HOXC4: variants seen among roughly 807,000 people sequenced by gnomAD.
HOXC4 encodes the protein homeobox protein Hox-C4.
A neutral mutation model predicts 25.5 loss-of-function variants in HOXC4; 15 were observed. The observed-to-expected ratio is 0.59, with a 90% CI of 0.39 to 0.91. The LOEUF (loss-of-function observed/expected upper bound fraction) is 0.91, where lower values mean the gene tolerates loss of function less well. Among genes scored for constraint, HOXC4 ranks in the 40% least tolerant of loss-of-function variants. The probability of loss-of-function intolerance (pLI) is 0.00; values close to 1 mark genes in which losing one functional copy is unlikely to be tolerated. For missense variants in HOXC4, 342 were observed against 352.4 expected, an observed-to-expected ratio of 0.97 and a Z score of 0.24; for synonymous variants, 165 against 148.0, an observed-to-expected ratio of 1.11 and a Z score of -0.83.
upstream of HOXC4, among the ~76,000 whole-genome samples, chr12:54,052,578 G>GT (rs1329257690): frequency 2.0e-5 from 3 of 150,786 alleles, no homozygotes; most frequent in African/African-American, 4.9e-5. Flanking sequence ...CTGGGGGGGG[G>GT]GGGTGGTGGT....
intron 1 of HOXC4, chr12:54,047,711 G>T (rs1282528676): frequency 6.6e-6 from 1 of 152,326 alleles, no homozygotes; most frequent in African/African-American, 2.4e-5. Context: ...GGACCAGAGC[G>T]CGCGGAGGGG....
chr12:54,028,273 TA>T (rs1940818131), intron 1 of HOXC4: 1 of 249,976 alleles, frequency 4.0e-6, no homozygotes, highest in Non-Finnish European at 7.7e-6. Flanking sequence ...ATATATTTTT[TA>T]AAAGAAATCC....
chr12:54,031,073 T>C (rs1940967271), intron 1 of HOXC4, among the ~76,000 whole-genome samples: 1 of 152,272 alleles, frequency 6.6e-6, no homozygotes, highest in African/African-American at 2.4e-5. Flanking sequence ...CGTAGGATTT[T>C]GTTGCGGGGG....
intron 1 of HOXC4, among the ~76,000 whole-genome samples, chr12:54,036,851 C>A (rs559102874): frequency 1.3e-5 from 2 of 152,344 alleles, no homozygotes; most frequent in East Asian, 1.9e-4. Flanking sequence ...CCCACCTGTT[C>A]CAGCCTCCCA....
intron 1 of HOXC4, chr12:54,032,897 A>G: frequency 2.6e-6 from 1 of 388,620 alleles, no homozygotes; most frequent in South Asian, 5.3e-5. Context: ...GCCGGCTTCC[A>G]TCACTAACCT....
chr12:54,028,013 TGGGA>T lies in HOXC4; in HGVS notation c.-124+10605_-124+10608del, dbSNP rs540872639. 4.6e-5 allele frequency among the ~76,000 whole-genome samples: 7 copies of T among 152,304 alleles called. No individual in the cohort carries two copies. In the South Asian group the frequency reaches 1.4e-3, roughly 32 times the overall value. On this transcript the variant is annotated intron_variant, in intron 1 of 3. Transcript: ENST00000303406. ...ATTTCTAGGGACCCCCCTCCTGTGC[TGGGA>T]GGGAGTTCTTCCCTTGGAGAAATCA...
chr12:54,032,235 C>T (rs1941011999), intron 1 of HOXC4, among the ~76,000 whole-genome samples: 1 of 152,168 alleles, frequency 6.6e-6, no homozygotes, highest in Non-Finnish European at 1.5e-5. Flanking sequence ...CCACCTGGCT[C>T]CTCACCTCCA....
chr12:54,025,953 C>T (rs1043750315), intron 1 of HOXC4, among the ~76,000 whole-genome samples: 1 of 151,956 alleles, frequency 6.6e-6, no homozygotes, highest in Non-Finnish European at 1.5e-5. Context: ...CCCACCCAGA[C>T]ATAAAAGAGA....
chr12:54,029,520 A>T, intron 1 of HOXC4: 1 of 847,804 alleles, frequency 1.2e-6, no homozygotes, highest in Non-Finnish European at 1.8e-6. Context: ...GCAAGGCAAA[A>T]GGGAGAAGGC....
intron 1 of HOXC4, chr12:54,037,712 A>T (rs2136453885): frequency 6.6e-6 from 1 of 152,382 alleles, no homozygotes; most frequent in Non-Finnish European, 1.5e-5. Context: ...AGAAATAGGC[A>T]TGCTTCTATG....
intron 1 of HOXC4, chr12:54,034,673 C>T: frequency 1.7e-6 from 1 of 595,502 alleles, no homozygotes; most frequent in Non-Finnish European, 3.0e-6. Context: ...CCAGGGTTCC[C>T]GCGGGGCTGT....
Position 54,054,765 on chromosome 12 carries a change from T to C in HOXC4, c.440-85T>C, listed in dbSNP as rs545185266. ...ATTTCCACCACTCCCTCCTCCTGTT[T>C]CTCAGAGCTGAGGATGGGGTGAGGG... On this transcript the variant is annotated intron_variant, in intron 1 of 1. Coordinates refer to ENST00000430889, the MANE Select transcript of HOXC4 (RefSeq NM_153633.3). 4 of 868,880 alleles carry C rather than the reference T, an allele frequency of 4.6e-6. No individual in the cohort carries two copies. In the Admixed American group the frequency reaches 1.0e-4, roughly 22 times the overall value. 53.8% of individuals were successfully genotyped at this position (868,880 alleles called of 1,614,324 possible). A position where few individuals can be genotyped will look rare whatever the true frequency, so the allele number is the denominator to read the frequency against.
Position 54,018,257 on chromosome 12 carries a change from C to A in HOXC4, c.-124+843C>A, listed in dbSNP as rs529055785. Among the ~76,000 whole-genome samples the A allele has an allele frequency of 5.2e-3, 788 of 152,368 alleles. 6 individuals carry two copies. Among genetic ancestry groups the A allele is most frequent in the African/African-American group, 0.018 (738 of 41,588 alleles). ...TCCGGGGTCCGGCGCCCCTCACCCC[C>A]AGCCGCGGCCATCCCAGCCGGGATG... On this transcript the variant is annotated intron_variant, in intron 1 of 3. Coordinates refer to the HOXC4 transcript ENST00000303406.
At position 54,030,018 on chromosome 12, in the gene HOXC4, T is replaced by A. The variant is rs939957363; in HGVS notation, c.-124+12604T>A. On this transcript the variant is annotated intron_variant, in intron 1 of 3. Coordinates refer to the HOXC4 transcript ENST00000303406. ...TTTCTCCCTCGCTCCCCACCAACTC[T>A]CCCCTAATCACACACTCTGTATTTA... The A allele has an allele frequency of 2.0e-5, 28 of 1,401,566 alleles. No individual in the cohort carries two copies. In the Middle Eastern group the frequency reaches 9.2e-4, roughly 46 times the overall value. The allele number at this position is 1,401,566 out of a possible 1,614,324, so 86.8% of individuals were successfully genotyped here.
chr12:54,050,597 C>T (rs771202689), upstream of HOXC4, among the ~76,000 whole-genome samples: 23 of 151,160 alleles, frequency 1.5e-4, no homozygotes, highest in Admixed American at 1.3e-3. Context: ...GCCCTTCCAA[C>T]GGATTTTATT....
In HOXC4 at chr12:54,033,463, G is replaced by A. The variant is rs200190925; in HGVS notation, c.-124+16049G>A. ...CCGGCGCTGGAGGAGCGAGCTAAGAGCAGTGGGGAGATCAAAGAGGAGCAG... is the reference window on the plus strand; with the variant it reads ...CCGGCGCTGGAGGAGCGAGCTAAGAACAGTGGGGAGATCAAAGAGGAGCAG... On this transcript the variant is annotated intron_variant, in intron 1 of 3. Coordinates refer to the HOXC4 transcript ENST00000303406. 6.3e-5 allele frequency: 101 copies of A among 1,598,922 alleles called. No individual in the cohort carries two copies. The African/African-American group carries it at 1.3e-3, about 20-fold the overall frequency.
intron 1 of HOXC4, among the ~76,000 whole-genome samples, chr12:54,048,748 C>G (rs1263483163): frequency 6.6e-6 from 1 of 152,170 alleles, no homozygotes; most frequent in African/African-American, 2.4e-5. Context: ...TTGAGATACC[C>G]TCATAAACTC....
At chr12:54,053,816 G>A (rs1397180833), upstream of HOXC4, 1 of 803,592 alleles carries the variant, frequency 1.2e-6, no homozygotes, top group Non-Finnish European at 2.0e-6. Flanking sequence ...ATTGGCCGGA[G>A]GAGTCACATG....
At chr12:54,044,096 A>G (rs1455987119) in intron 1 of HOXC4, among the ~76,000 whole-genome samples, 1 of 152,066 alleles carries the variant, frequency 6.6e-6, no homozygotes, top group Non-Finnish European at 1.5e-5. Context: ...AGACAGGGTC[A>G]TAAACGCCTA....
Sources: gnomAD v4.1 joint callset for allele counts (sites outside exome capture counted in the v4.1 genomes callset) on GRCh38, gnomAD v4.1.1 for gene constraint, MANE v1.5 for transcripts, NCBI Gene and HGNC (gene_info 2026-07-23, HGNC 2026-07-21) for gene names.